RIMS3: variants seen among roughly 807,000 people sequenced by gnomAD.
RIMS3 encodes regulating synaptic membrane exocytosis 3.
Under a neutral mutation model 29.2 loss-of-function variants are expected in RIMS3, and 15 were observed. That is an observed-to-expected ratio of 0.51 (90% CI 0.34 to 0.79). The LOEUF (loss-of-function observed/expected upper bound fraction) is 0.79, where lower values mean the gene tolerates loss of function less well. Ranked by LOEUF, RIMS3 falls within the 30% of genes least tolerant of loss-of-function variation. The pLI, the probability that RIMS3 is intolerant of heterozygous loss-of-function variation, is 0.01. For missense variants in RIMS3, 342 were observed against 421.4 expected, an observed-to-expected ratio of 0.81 and a Z score of 1.65; for synonymous variants, 161 against 170.1, an observed-to-expected ratio of 0.95 and a Z score of 0.41.
intron 3 of RIMS3, 49 bp downstream of exon 3, chr1:40,641,660 T>G: frequency 6.3e-7 from 1 of 1,578,368 alleles, no homozygotes; most frequent in Non-Finnish European, 8.7e-7. Context: ...TAGTCTGTCT[T>G]TGCGAAGTGT....
In RIMS3 at chr1:40,641,745, G is replaced by A. The variant is rs760382976; in HGVS notation, c.181C>T (p.Gln61Ter). Residue 61 changes from glutamine to a stop codon, truncating the protein, a stop_gained, in exon 3 of 8, where the codon CAG (glutamine) becomes TAG (stop). Transcript: ENST00000372684. LOFTEE classifies it high-confidence loss of function. ...AGCTGGAGTGTGCTCTTGCTCCACT[G>A]AGTCAGGCCCACGATGGCCACCATC... ...AKMVAIVGLT[Q>*]WSKSTLQLPQ... The A allele has an allele frequency of 6.2e-7, 1 of 1,613,974 alleles. No individual in the cohort carries two copies. Among genetic ancestry groups the A allele is most frequent in the Non-Finnish European group, 8.5e-7 (1 of 1,179,954 alleles).
upstream of RIMS3, among the ~76,000 whole-genome samples, chr1:40,670,410 G>C (rs578009328): frequency 6.6e-6 from 1 of 151,370 alleles, no homozygotes; most frequent in Non-Finnish European, 1.5e-5. Context: ...GCCAAGGATG[G>C]GTAAGAGCTT....
At chr1:40,671,554 CA>C in the RIMS3 span, among the ~76,000 whole-genome samples, 2 of 152,120 alleles carry the variant, frequency 1.3e-5, no homozygotes, top group African/African-American at 2.4e-5. Flanking sequence ...TCATGAGATC[CA>C]GTTGTTTAAA....
chr1:40,643,478 C>CG, intron 2 of RIMS3, among the ~76,000 whole-genome samples: 1 of 133,594 alleles, frequency 7.5e-6, no homozygotes, highest in Non-Finnish European at 1.6e-5. Context: ...ATCTTTCTCT[C>CG]TTTTTTTTTT....
At position 40,628,882 on chromosome 1, in the gene RIMS3, G is replaced by T. The variant is rs7556079; in HGVS notation, c.642C>A (p.Thr214=). The T allele has an allele frequency of 7.1e-4, 1,151 of 1,614,016 alleles. 12 individuals carry two copies. In the Admixed American group the frequency reaches 0.016, roughly 22 times the overall value. ...GGTACAGGGGATCACAGGTCTTCTT[G>T]GTCATCTTTGTCTTCTTCTTGGCCA... ...ACLAKKKTKM[T]KKTCDPLYQQ... Residue 214 remains threonine, a synonymous_variant, in exon 7 of 8, where the codon ACC becomes ACA. Transcript: ENST00000372684.
rs1245331546 is a variant in RIMS3, at chr1:40,641,790, G to A, written c.136C>T (p.Arg46Trp). The A allele has an allele frequency of 2.5e-6, 4 of 1,613,038 alleles. No homozygotes were observed. The highest frequency in any genetic ancestry group is 1.1e-5 in the South Asian group (1 of 91,052). The change falls in exon 3 of 8, where the codon CGG (arginine) becomes TGG (tryptophan). Residue 46 changes from arginine to tryptophan, a missense_variant. By Grantham distance (101) the Arg-to-Trp change is moderately radical. Coordinates refer to ENST00000372684, the MANE Select transcript of RIMS3 (RefSeq NM_014747.3). ...GAGTTTAKKR[R>W]SSLGAKMVAI... ...ACCATCTTGGCACCCAGGCTGCTCC[G>A]CCGCTTCTTGGCGGTGGTGGTCCCA...
chr1:40,628,659 A>G, intron 7 of RIMS3, 151 bp downstream of exon 7: 1 of 1,089,992 alleles, frequency 9.2e-7, no homozygotes, highest in East Asian at 2.4e-5. Context: ...TGGGGACAGT[A>G]ATACCTCACA....
At chr1:40,637,689 T>G (rs760369630) in intron 3 of RIMS3, among the ~76,000 whole-genome samples, 1 of 152,216 alleles carries the variant, frequency 6.6e-6, no homozygotes, top group African/African-American at 2.4e-5. Flanking sequence ...GTACACATGA[T>G]GGACTCTGCC....
the RIMS3 span, among the ~76,000 whole-genome samples, chr1:40,686,573 C>T: frequency 5.3e-5 from 8 of 152,136 alleles, no homozygotes; most frequent in Non-Finnish European, 1.2e-4. Context: ...AGGAGAATGG[C>T]GTGAACCCGG....
At chr1:40,657,325 C>G (rs1189565862) in intron 1 of RIMS3, among the ~76,000 whole-genome samples, 1 of 152,184 alleles carries the variant, frequency 6.6e-6, no homozygotes, top group Non-Finnish European at 1.5e-5. Flanking sequence ...AACCTGCTAT[C>G]TGCCCGTGAG....
chr1:40,676,844 T>G, the RIMS3 span, among the ~76,000 whole-genome samples: 1 of 152,120 alleles, frequency 6.6e-6, no homozygotes, highest in Non-Finnish European at 1.5e-5. Flanking sequence ...TCTTACTTGA[T>G]GAAAAAAACT....
At chr1:40,633,679 T>C (rs536443788) in intron 4 of RIMS3, among the ~76,000 whole-genome samples, 1 of 152,208 alleles carries the variant, frequency 6.6e-6, no homozygotes, top group Non-Finnish European at 1.5e-5. Context: ...TTGAGGTGAA[T>C]GGCAAGTGAT....
chr1:40,690,161 C>T, the RIMS3 span, among the ~76,000 whole-genome samples: 3 of 152,176 alleles, frequency 2.0e-5, no homozygotes, highest in Non-Finnish European at 4.4e-5. Flanking sequence ...ATAACTTGTG[C>T]TGCTTCATTG....
At chr1:40,681,572 G>C in the RIMS3 span, 1 of 152,106 alleles carries the variant, frequency 6.6e-6, no homozygotes, top group African/African-American at 2.4e-5. Flanking sequence ...ATTATCACCT[G>C]TAAAATTAAT....
At chr1:40,679,437 A>G in the RIMS3 span, among the ~76,000 whole-genome samples, 1 of 152,234 alleles carries the variant, frequency 6.6e-6, no homozygotes, top group Non-Finnish European at 1.5e-5. Flanking sequence ...GCAAATAGGC[A>G]AATGACTAGT....
At chr1:40,687,532 G>A in the RIMS3 span, 1 of 151,096 alleles carries the variant, frequency 6.6e-6, no homozygotes, top group Non-Finnish European at 1.5e-5. Flanking sequence ...AACCCGAGAG[G>A]CGGAGGTCGC....
At chr1:40,675,261 G>A in the RIMS3 span, among the ~76,000 whole-genome samples, 47,240 of 150,470 alleles carry the variant, frequency 0.31, 8,050 homozygotes, top group East Asian at 0.42. Context: ...GTGATAGAGT[G>A]AGACCCTGTC....
At chr1:40,691,940 C>G in the RIMS3 span, 219 of 330,890 alleles carry the variant, frequency 6.6e-4, no homozygotes, top group Admixed American at 1.3e-3. Context: ...CAGCGCTTCC[C>G]GCCTTCGCCA....
rs1396795582 is a variant in RIMS3 at position 40,626,364 on chromosome 1, C to T, written c.*153G>A. Reference sequence around the variant, plus strand: ...CACGCACGCACACACGCACACACTACAGTCTCCACTGCCAGCTGGGATGAG... The same window carrying T: ...CACGCACGCACACACGCACACACTATAGTCTCCACTGCCAGCTGGGATGAG... On this transcript the variant is annotated 3_prime_UTR_variant, in exon 8 of 8. Coordinates refer to ENST00000372684, the MANE Select transcript of RIMS3 (RefSeq NM_014747.3). The T allele has an allele frequency of 1.4e-6, 1 of 720,462 alleles. No homozygotes were observed. Among genetic ancestry groups the T allele is most frequent in the African/African-American group, 1.7e-5 (1 of 57,596 alleles). The allele number at this position is 720,462 out of a possible 1,614,324, so 44.6% of individuals were successfully genotyped here. A position where few individuals can be genotyped will look rare whatever the true frequency, so the allele number is the denominator to read the frequency against.
Sources: allele counts gnomAD v4.1 joint callset (sites outside exome capture counted in the v4.1 genomes callset), GRCh38; gene constraint gnomAD v4.1.1; transcripts MANE v1.5; gene names NCBI Gene and HGNC (gene_info 2026-07-23, HGNC 2026-07-21).